The following PRKACB variants were observed in gnomAD, a reference collection of about 807,000 sequenced individuals.
PRKACB encodes the protein protein kinase cAMP-activated catalytic subunit beta.
In PRKACB, 16 loss-of-function variants were observed where a neutral mutation model predicts 51.4. The ratio of observed to expected loss-of-function variants is 0.31; its 90% CI spans 0.21 to 0.47. The LOEUF (loss-of-function observed/expected upper bound fraction) is 0.47. Among genes scored for constraint, PRKACB ranks in the 20% least tolerant of loss-of-function variants. The pLI, the probability that PRKACB is intolerant of heterozygous loss-of-function variation, is 1.00. For synonymous variants in PRKACB, 147 were observed against 154.4 expected (o/e 0.95, Z 0.35); for missense variants, 309 against 464.5 (o/e 0.67, Z 3.08).
intron 8 of PRKACB, chr1:84,205,003 C>T (rs561073306): frequency 1.0e-6 from 1 of 983,736 alleles, no homozygotes; most frequent in African/African-American, 1.7e-5. Flanking sequence ...CAGTCTAAAT[C>T]CTGGGCACCT....
At chr1:84,156,544 A>G (rs1655527543) in intron 1 of PRKACB, among the ~76,000 whole-genome samples, 2 of 152,162 alleles carry the variant, frequency 1.3e-5, no homozygotes, top group Admixed American at 1.3e-4. Flanking sequence ...GCCAAGTTGG[A>G]TGTGTGAGAA....
intron 9 of PRKACB, among the ~76,000 whole-genome samples, chr1:84,234,872 C>T (rs1676482215): frequency 6.6e-6 from 1 of 152,234 alleles, no homozygotes. Flanking sequence ...AATCACCCGT[C>T]TTCTGTGTCC....
intron 1 of PRKACB, among the ~76,000 whole-genome samples, chr1:84,081,426 C>T (rs763853998): frequency 4.6e-5 from 7 of 152,104 alleles, no homozygotes; most frequent in Non-Finnish European, 7.4e-5. Context: ...TGATGTATCT[C>T]AAAACTTAAT....
chr1:84,163,533 C>G (rs1244707185), intron 1 of PRKACB, among the ~76,000 whole-genome samples: 1 of 151,940 alleles, frequency 6.6e-6, no homozygotes, highest in African/African-American at 2.4e-5. Flanking sequence ...AGTGAAGCTG[C>G]TAGTTTTCAT....
intron 1 of PRKACB, among the ~76,000 whole-genome samples, chr1:84,154,510 T>C (rs960983182): frequency 6.6e-6 from 1 of 152,124 alleles, no homozygotes; most frequent in Non-Finnish European, 1.5e-5. Context: ...ATGCCAGTCC[T>C]TCTCAAACTC....
chr1:84,095,144 T>C (rs1648823996), intron 1 of PRKACB, among the ~76,000 whole-genome samples: 2 of 151,938 alleles, frequency 1.3e-5, no homozygotes, highest in South Asian at 4.1e-4. Context: ...TTTCTCAGAA[T>C]GTATCCCTGG....
chr1:84,191,225 A>T (rs1415249863), intron 5 of PRKACB, among the ~76,000 whole-genome samples: 1 of 152,078 alleles, frequency 6.6e-6, no homozygotes, highest in African/African-American at 2.4e-5. Flanking sequence ...TGATAATGAA[A>T]TTCCTTTAGT....
At chr1:84,229,706 G>A (rs1558344778) in intron 9 of PRKACB, among the ~76,000 whole-genome samples, 1 of 150,216 alleles carries the variant, frequency 6.7e-6, no homozygotes, top group African/African-American at 2.4e-5. Context: ...TTTTTCATGT[G>A]TTTTTTGGCT....
intron 1 of PRKACB, among the ~76,000 whole-genome samples, chr1:84,152,854 G>A (rs778749201): frequency 4.6e-5 from 7 of 152,102 alleles, no homozygotes; most frequent in South Asian, 4.2e-4. Flanking sequence ...AGCACTTTTA[G>A]TTTCCTTCAG....
intron 1 of PRKACB, among the ~76,000 whole-genome samples, chr1:84,168,781 CACTGCTCA>C (rs1658386159): frequency 1.3e-5 from 2 of 151,554 alleles, no homozygotes; most frequent in Non-Finnish European, 3.0e-5. Flanking sequence ...GAAGATCCAA[CACTGCTCA>C]TTACTTTCAT....
chr1:84,099,874 C>T (rs1409426112), intron 1 of PRKACB, among the ~76,000 whole-genome samples: 2 of 151,972 alleles, frequency 1.3e-5, no homozygotes, highest in Non-Finnish European at 2.9e-5. Context: ...TAAGGGAAAT[C>T]CTTAAGCATG....
chr1:84,198,371 T>C (rs1177681106), intron 7 of PRKACB, among the ~76,000 whole-genome samples: 2 of 152,092 alleles, frequency 1.3e-5, no homozygotes, highest in Non-Finnish European at 2.9e-5. Flanking sequence ...AATGGTTAAC[T>C]TTTCCTCTGC....
At chr1:84,116,422 A>T (rs988092935) in intron 1 of PRKACB, among the ~76,000 whole-genome samples, 16 of 152,080 alleles carry the variant, frequency 1.1e-4, no homozygotes, top group African/African-American at 3.9e-4. Context: ...GAGTCTGTAG[A>T]TTGCTTTGGG....
chr1:84,093,279 C>G (rs573477492), intron 1 of PRKACB, among the ~76,000 whole-genome samples: 1 of 151,592 alleles, frequency 6.6e-6, no homozygotes, highest in East Asian at 1.9e-4. Context: ...ATCTCTCTCT[C>G]TCTCTCTCTC....
intron 8 of PRKACB, among the ~76,000 whole-genome samples, chr1:84,206,732 G>A (rs1398301566): frequency 6.6e-6 from 1 of 152,136 alleles, no homozygotes; most frequent in Non-Finnish European, 1.5e-5. Context: ...AATAAACTAT[G>A]TTGTTTGTAC....
At chr1:84,224,736 A>G (rs967997287) in intron 9 of PRKACB, among the ~76,000 whole-genome samples, 1 of 152,182 alleles carries the variant, frequency 6.6e-6, no homozygotes, top group South Asian at 2.1e-4. Flanking sequence ...GAGTGCAGGC[A>G]GTCAGTGGTT....
chr1:84,200,237 G>A (rs1448248200), intron 7 of PRKACB, among the ~76,000 whole-genome samples: 1 of 152,050 alleles, frequency 6.6e-6, no homozygotes, highest in African/African-American at 2.4e-5. Context: ...CTAATGATCG[G>A]TGATATTGAG....
chr1:84,191,856 A>T (rs955492), intron 5 of PRKACB, among the ~76,000 whole-genome samples: 74,428 of 151,912 alleles, frequency 0.49, 18,799 homozygotes, highest in Non-Finnish European at 0.56. Context: ...ATAAATAATT[A>T]AAAAACCAAT....
chr1:84,176,466 AT>A (rs1661293148), intron 1 of PRKACB, among the ~76,000 whole-genome samples: 1 of 151,800 alleles, frequency 6.6e-6, no homozygotes, highest in African/African-American at 2.4e-5. Flanking sequence ...ATTGTGAAAT[AT>A]TTTATTTTTG....
Sources: allele counts gnomAD v4.1 joint callset (sites outside exome capture counted in the v4.1 genomes callset), GRCh38; gene constraint gnomAD v4.1.1; transcripts MANE v1.5; gene names NCBI Gene and HGNC (gene_info 2026-07-23, HGNC 2026-07-21).